PITPNB: variants seen among roughly 807,000 people sequenced by gnomAD.
The protein encoded by PITPNB is phosphatidylinositol transfer protein beta isoform.
Under a neutral mutation model 45.9 loss-of-function variants are expected in PITPNB, and 16 were observed. That is an observed-to-expected ratio of 0.35 (90% CI 0.24 to 0.53). The LOEUF (loss-of-function observed/expected upper bound fraction) is 0.53. PITPNB is among the 20% of genes least tolerant of loss of function. The pLI, the probability that PITPNB is intolerant of heterozygous loss-of-function variation, is 0.93. For missense variants in PITPNB, 188 were observed against 330.5 expected, an observed-to-expected ratio of 0.57 and a Z score of 3.34; for synonymous variants, 112 against 108.9, an observed-to-expected ratio of 1.03 and a Z score of -0.18.
intron 8 of PITPNB, among the ~76,000 whole-genome samples, chr22:27,872,740 C>T (rs1934706101): frequency 6.6e-6 from 1 of 152,090 alleles, no homozygotes; most frequent in African/African-American, 2.4e-5. Context: ...AGACTGGTTA[C>T]CAAGTAAGAC....
At chr22:27,885,935 G>A (rs1206188049) in intron 7 of PITPNB, among the ~76,000 whole-genome samples, 2 of 152,176 alleles carry the variant, frequency 1.3e-5, no homozygotes, top group Admixed American at 1.3e-4. Flanking sequence ...CAGAAATGAT[G>A]AGTACAGTAC....
At chr22:27,916,464 G>C (rs1359500318) in intron 1 of PITPNB, among the ~76,000 whole-genome samples, 5 of 152,116 alleles carry the variant, frequency 3.3e-5, no homozygotes, top group African/African-American at 1.2e-4. Flanking sequence ...ATAATAACTT[G>C]AAGGGAAACA....
chr22:27,852,838 C>A lies in PITPNB; in HGVS notation c.*864G>T, dbSNP rs757732315. On this transcript the variant is annotated 3_prime_UTR_variant, in exon 12 of 12. Coordinates refer to ENST00000335272, the MANE Select transcript of PITPNB (RefSeq NM_012399.5). ...TTTCTTCATCAATGTGTTTGTCTAA[C>A]AGGAGCCTGAAAACTGTCTAGTATT... is the stretch of plus-strand genomic sequence containing the variant. 1 of 152,622 alleles carries A rather than the reference C, an allele frequency of 6.6e-6. No individual in the cohort carries two copies. The highest frequency in any genetic ancestry group is 1.5e-5 in the Non-Finnish European group (1 of 68,034). 9.5% of individuals were successfully genotyped at this position (152,622 alleles called of 1,614,324 possible).
chr22:27,895,236 C>G (rs930564015), intron 6 of PITPNB, among the ~76,000 whole-genome samples: 4 of 152,164 alleles, frequency 2.6e-5, no homozygotes, highest in African/African-American at 9.7e-5. Flanking sequence ...TTAAGTCATA[C>G]AGATTAATGC....
chr22:27,911,468 A>G (rs1935920111), intron 2 of PITPNB, among the ~76,000 whole-genome samples: 1 of 152,202 alleles, frequency 6.6e-6, no homozygotes, highest in Admixed American at 6.5e-5. Flanking sequence ...CACCTCTATT[A>G]TTTCTCATTT....
intron 2 of PITPNB, among the ~76,000 whole-genome samples, chr22:27,913,685 G>A (rs1469710556): frequency 1.3e-5 from 2 of 152,284 alleles, no homozygotes; most frequent in Non-Finnish European, 2.9e-5. Context: ...AACACATATA[G>A]TAACAGGACC....
intron 8 of PITPNB, among the ~76,000 whole-genome samples, chr22:27,872,081 GTTTTTTTTTTTTTTTTTT>G (rs58288724): frequency 4.7e-5 from 3 of 64,366 alleles, no homozygotes; most frequent in Admixed American, 4.8e-4. Context: ...ATTAAGCCTG[GTTTTTTTTTTTTTTTTTT>G]TTTTTTTTTT....
At position 27,900,263 on chromosome 22, in the gene PITPNB, A is replaced by G. The variant is rs556250523; in HGVS notation, c.198-2371T>C. Among the ~76,000 whole-genome samples the G allele has an allele frequency of 5.0e-4, 76 of 152,178 alleles. 1 individual carries two copies. The highest frequency in any genetic ancestry group is 8.7e-4 in the Non-Finnish European group (59 of 67,994). On this transcript the variant is annotated intron_variant, in intron 3 of 11. Coordinates refer to ENST00000335272, the MANE Select transcript of PITPNB (RefSeq NM_012399.5). ...AAAAAGGCAGGAGAAACAATTCTGTATTAACTCAGACACATATTTTAACTA... is the reference window on the plus strand; with the variant it reads ...AAAAAGGCAGGAGAAACAATTCTGTGTTAACTCAGACACATATTTTAACTA...
At chr22:27,878,805 C>A (rs1934890205) in intron 7 of PITPNB, among the ~76,000 whole-genome samples, 1 of 152,194 alleles carries the variant, frequency 6.6e-6, no homozygotes, top group Non-Finnish European at 1.5e-5. Flanking sequence ...CTTATCTATT[C>A]ATTAAAGCAG....
intron 10 of PITPNB, among the ~76,000 whole-genome samples, chr22:27,857,299 T>G (rs950812323): frequency 6.6e-6 from 1 of 152,242 alleles, no homozygotes. Flanking sequence ...TATAGTTTAC[T>G]TTATGTATAA....
At chr22:27,902,782 A>C (rs992267743) in intron 3 of PITPNB, among the ~76,000 whole-genome samples, 1 of 152,172 alleles carries the variant, frequency 6.6e-6, no homozygotes, top group African/African-American at 2.4e-5. Context: ...ACAGTGGTGT[A>C]ATCATAGATC....
chr22:27,915,820 A>C (rs1462557791), intron 1 of PITPNB, among the ~76,000 whole-genome samples: 1 of 152,222 alleles, frequency 6.6e-6, no homozygotes, highest in Non-Finnish European at 1.5e-5. Flanking sequence ...GGTTGGGAGC[A>C]GATTATCAGG....
At chr22:27,919,009 C>T (rs1424582004) in intron 1 of PITPNB, 163 bp downstream of exon 1, 3 of 1,026,540 alleles carry the variant, frequency 2.9e-6, no homozygotes, top group Non-Finnish European at 4.5e-6. Context: ...GAGGGGCGCA[C>T]TCGCTGAGGG....
chr22:27,869,510 T>C (rs1423767959), intron 8 of PITPNB, among the ~76,000 whole-genome samples: 1 of 150,610 alleles, frequency 6.6e-6, no homozygotes, highest in Non-Finnish European at 1.5e-5. Context: ...CCAAATAAAA[T>C]CACTCATTAA....
chr22:27,877,969 A>C (rs1383552612), intron 7 of PITPNB, among the ~76,000 whole-genome samples: 2 of 152,172 alleles, frequency 1.3e-5, no homozygotes, highest in Non-Finnish European at 2.9e-5. Flanking sequence ...TATCCTGTGG[A>C]GAGGGGGTGT....
intron 7 of PITPNB, among the ~76,000 whole-genome samples, chr22:27,884,442 A>T (rs1935060012): frequency 1.3e-5 from 2 of 152,110 alleles, no homozygotes; most frequent in Admixed American, 1.3e-4. Flanking sequence ...CAAAACAGGG[A>T]CCCCTCCTAC....
chr22:27,884,696 G>A (rs1935066470), intron 7 of PITPNB, among the ~76,000 whole-genome samples: 2 of 152,070 alleles, frequency 1.3e-5, no homozygotes, highest in Admixed American at 6.6e-5. Flanking sequence ...GAAAGACGAG[G>A]GGAAAAATTT....
intron 7 of PITPNB, among the ~76,000 whole-genome samples, chr22:27,879,711 TGTAA>T (rs1934914609): frequency 6.6e-6 from 1 of 152,180 alleles, no homozygotes; most frequent in Non-Finnish European, 1.5e-5. Flanking sequence ...ATACCTGAAA[TGTAA>T]GTGATACATT....
intron 3 of PITPNB, among the ~76,000 whole-genome samples, chr22:27,909,961 T>G (rs879898827): frequency 1.5e-3 from 219 of 150,716 alleles, no homozygotes; most frequent in Non-Finnish European, 2.8e-3. Flanking sequence ...TTTTTTTTTT[T>G]TTTTTTTTGA....
Sources: gnomAD v4.1 joint callset for allele counts (sites outside exome capture counted in the v4.1 genomes callset) on GRCh38, gnomAD v4.1.1 for gene constraint, MANE v1.5 for transcripts, NCBI Gene and HGNC (gene_info 2026-07-23, HGNC 2026-07-21) for gene names.